Variants in DIS3L2 observed in about 807,000 individuals in gnomAD.
DIS3L2 encodes DIS3 like 3'-5' exoribonuclease 2.
In DIS3L2, 34 loss-of-function variants were observed where a neutral mutation model predicts 97.5. That is an observed-to-expected ratio of 0.35 (90% CI 0.27 to 0.46). The LOEUF is 0.46. DIS3L2 is among the 20% of genes least tolerant of loss of function. The pLI is 1.00. For synonymous variants in DIS3L2, 435 were observed against 445.2 expected, an observed-to-expected ratio of 0.98 and a Z score of 0.29; for missense variants, 1,038 against 1,146.0, an observed-to-expected ratio of 0.91 and a Z score of 1.36.
chr2:232,248,764 A>G (rs553390606), intron 11 of DIS3L2, among the ~76,000 whole-genome samples: 1 of 152,350 alleles, frequency 6.6e-6, no homozygotes, highest in East Asian at 1.9e-4. Flanking sequence ...TAATGTTCCA[A>G]CATGTAATTT....
intron 5 of DIS3L2, among the ~76,000 whole-genome samples, chr2:232,060,258 T>C (rs1399521967): frequency 2.0e-5 from 3 of 152,150 alleles, no homozygotes; most frequent in Non-Finnish European, 4.4e-5. Context: ...ATTTGTCCGT[T>C]TTTGCTTTGG....
At chr2:232,238,888 C>G (rs1309950987) in intron 11 of DIS3L2, among the ~76,000 whole-genome samples, 1 of 152,166 alleles carries the variant, frequency 6.6e-6, no homozygotes, top group Non-Finnish European at 1.5e-5. Flanking sequence ...CAGGGCTCGG[C>G]AAACTCAGCC....
At chr2:232,204,511 C>T (rs1160793946) in intron 9 of DIS3L2, among the ~76,000 whole-genome samples, 2 of 152,280 alleles carry the variant, frequency 1.3e-5, no homozygotes, top group Non-Finnish European at 1.5e-5. Flanking sequence ...TAACATTGCT[C>T]TGAATTGGAA....
chr2:232,231,034 C>G (rs1692775331), intron 10 of DIS3L2, among the ~76,000 whole-genome samples: 1 of 152,208 alleles, frequency 6.6e-6, no homozygotes, highest in South Asian at 2.1e-4. Context: ...CTTTTCATTA[C>G]TAATGAACTC....
chr2:232,009,853 A>C (rs1046475654), intron 1 of DIS3L2, among the ~76,000 whole-genome samples: 1 of 152,146 alleles, frequency 6.6e-6, no homozygotes, highest in African/African-American at 2.4e-5. Flanking sequence ...GCTTGCGCTG[A>C]CTGGCATTGC....
At chr2:232,063,333 G>A (rs929969009) in intron 5 of DIS3L2, among the ~76,000 whole-genome samples, 1 of 152,154 alleles carries the variant, frequency 6.6e-6, no homozygotes, top group Non-Finnish European at 1.5e-5. Context: ...TTTCTTGATG[G>A]CTATCTTTCT....
intron 6 of DIS3L2, among the ~76,000 whole-genome samples, chr2:232,101,159 G>A (rs1697193328): frequency 1.3e-5 from 2 of 151,632 alleles, no homozygotes; most frequent in Admixed American, 1.3e-4. Flanking sequence ...TTGAACCCGG[G>A]AGGCAGAGGT....
chr2:232,098,925 T>A (rs941343183), intron 6 of DIS3L2, among the ~76,000 whole-genome samples: 2 of 152,214 alleles, frequency 1.3e-5, no homozygotes, highest in African/African-American at 2.4e-5. Context: ...GGTTTTTAAG[T>A]TTTTCCCTGT....
chr2:232,200,731 A>G (rs947430001), intron 9 of DIS3L2, among the ~76,000 whole-genome samples: 10 of 151,894 alleles, frequency 6.6e-5, no homozygotes, highest in Admixed American at 6.6e-4. Context: ...GCTATGATTC[A>G]TTCAGGCAAA....
At chr2:232,079,828 T>G (rs1289359418) in intron 5 of DIS3L2, among the ~76,000 whole-genome samples, 2 of 151,960 alleles carry the variant, frequency 1.3e-5, no homozygotes, top group African/African-American at 4.8e-5. Context: ...AGCCCTAAGA[T>G]GGAAGGTTGT....
chr2:232,112,148 T>C (rs1257521772), intron 6 of DIS3L2, among the ~76,000 whole-genome samples: 12 of 152,182 alleles, frequency 7.9e-5, no homozygotes, highest in Admixed American at 7.9e-4. Context: ...AATTTTGTAA[T>C]TGAGGGAGAG....
At chr2:232,213,383 A>C (rs1408632857) in intron 10 of DIS3L2, among the ~76,000 whole-genome samples, 1 of 152,200 alleles carries the variant, frequency 6.6e-6, no homozygotes. Flanking sequence ...AAGGACATGG[A>C]AAAGGAGTCA....
intron 19 of DIS3L2, chr2:232,335,555 G>T: frequency 1.7e-6 from 1 of 575,526 alleles, no homozygotes. Flanking sequence ...ACAGAGCCAC[G>T]GGCCTTCCCA....
At chr2:232,318,161 G>A (rs529223750) in intron 14 of DIS3L2, among the ~76,000 whole-genome samples, 1 of 150,876 alleles carries the variant, frequency 6.6e-6, no homozygotes, top group South Asian at 2.1e-4. Flanking sequence ...AGTAGTGGTC[G>A]GGGTGCCCAG....
intron 7 of DIS3L2, among the ~76,000 whole-genome samples, chr2:232,133,657 T>A (rs989263150): frequency 1.3e-5 from 2 of 152,094 alleles, no homozygotes; most frequent in African/African-American, 2.4e-5. Flanking sequence ...TCTTGAAACC[T>A]TGGAGAAAAT....
At chr2:232,330,900 G>A (rs1473973034) in intron 16 of DIS3L2, 124 bp downstream of exon 16, 64 of 1,001,688 alleles carry the variant, frequency 6.4e-5, no homozygotes, top group South Asian at 4.9e-4. Context: ...CTGGGTGGAC[G>A]GGGGCTGCTC....
chr2:232,329,785 T>TGCCGGGGGGGGCG, intron 14 of DIS3L2, 28 bp from the exon 15 acceptor site: 13 of 967,140 alleles, frequency 1.3e-5, no homozygotes, highest in East Asian at 3.1e-5. Flanking sequence ...ACCCCAGCGG[T>TGCCGGGGGGGGCG]CCCTCCCATC....
rs193125698 is a variant in DIS3L2, at chr2:232,321,525, C to A, written c.1740-8288C>A. On this transcript the variant is annotated intron_variant, in intron 14 of 20. Transcript: ENST00000325385. ...GTGGCCCGTGGCCCACTCTGCCCTGCCCTCCTGACCCGGAGGCCCAGTGCG... is the reference window on the plus strand; with the variant it reads ...GTGGCCCGTGGCCCACTCTGCCCTGACCTCCTGACCCGGAGGCCCAGTGCG... Among the ~76,000 whole-genome samples, 492 of 152,234 alleles carry A rather than the reference C, an allele frequency of 3.2e-3. 9 individuals are homozygous for A. The highest frequency in any genetic ancestry group is 0.03 in the Admixed American group (457 of 15,294).
intron 10 of DIS3L2, among the ~76,000 whole-genome samples, chr2:232,217,801 C>T (rs531249646): frequency 1.5e-3 from 221 of 152,360 alleles, no homozygotes; most frequent in African/African-American, 5.2e-3. Flanking sequence ...ATGTGTTCAG[C>T]TCTCCAGAAC....
Sources: gnomAD v4.1 joint callset for allele counts (sites outside exome capture counted in the v4.1 genomes callset) on GRCh38, gnomAD v4.1.1 for gene constraint, MANE v1.5 for transcripts, NCBI Gene and HGNC (gene_info 2026-07-23, HGNC 2026-07-21) for gene names.